The following CACNB2 variants were observed in gnomAD, a reference collection of about 807,000 sequenced individuals.
CACNB2 encodes calcium voltage-gated channel auxiliary subunit beta 2, also known as voltage-dependent L-type calcium channel subunit beta-2.
CACNB2 carries 42 observed loss-of-function variants against 73.3 expected under a neutral mutation model. The observed-to-expected ratio is 0.57, with a 90% CI of 0.45 to 0.74. The LOEUF is 0.74. Ranked by LOEUF, CACNB2 falls within the 30% of genes least tolerant of loss-of-function variation. CACNB2 has a pLI of 0.00. For missense variants in CACNB2, 940 were observed against 853.0 expected, an observed-to-expected ratio of 1.10 and a Z score of -1.27; for synonymous variants, 348 against 310.3, an observed-to-expected ratio of 1.12 and a Z score of -1.28.
intron 2 of CACNB2, among the ~76,000 whole-genome samples, chr10:18,287,196 G>A (rs2131737488): frequency 6.6e-6 from 1 of 152,118 alleles, no homozygotes; most frequent in South Asian, 2.1e-4. Flanking sequence ...AGGCATGGTG[G>A]CTTGTGGCTG....
intron 1 of CACNB2, among the ~76,000 whole-genome samples, chr10:18,146,240 T>C (rs2131005927): frequency 6.6e-6 from 1 of 151,966 alleles, no homozygotes; most frequent in East Asian, 1.9e-4. Flanking sequence ...GGTCATAAGA[T>C]GAGGAAAGTC....
chr10:18,501,688 C>T (rs2050200679), intron 5 of CACNB2, among the ~76,000 whole-genome samples: 3 of 152,210 alleles, frequency 2.0e-5, no homozygotes, highest in Admixed American at 1.3e-4. Context: ...TTCTTAAATA[C>T]GAATCGCTGG....
intron 2 of CACNB2, among the ~76,000 whole-genome samples, chr10:18,239,739 A>T (rs1332801973): frequency 1.3e-5 from 2 of 152,214 alleles, no homozygotes; most frequent in African/African-American, 4.8e-5. Flanking sequence ...CAACTTTAAA[A>T]GTAGAGAAGT....
At chr10:18,217,874 G>A (rs1341641715) in intron 2 of CACNB2, among the ~76,000 whole-genome samples, 1 of 152,058 alleles carries the variant, frequency 6.6e-6, no homozygotes, top group Admixed American at 6.6e-5. Flanking sequence ...TCCACCCCAG[G>A]AAATGCTTGC....
intron 2 of CACNB2, among the ~76,000 whole-genome samples, chr10:18,340,442 T>G (rs1247267051): frequency 6.6e-6 from 1 of 152,222 alleles, no homozygotes; most frequent in Non-Finnish European, 1.5e-5. Context: ...TTACTTTTAT[T>G]GCAGACTTTC....
At chr10:18,292,428 C>T (rs537809892) in intron 2 of CACNB2, among the ~76,000 whole-genome samples, 4 of 152,244 alleles carry the variant, frequency 2.6e-5, no homozygotes, top group South Asian at 4.1e-4. Context: ...GAGGCCGAGG[C>T]GGGCAGATCA....
Position 18,508,731 on chromosome 10 carries a change from C to T in CACNB2, c.670+2184C>T, listed in dbSNP as rs148991248. ...ATGGTAACTCAAAATGTACTTAACA[C>T]GTGGACAGACCCAGTAAAAAGTCTG... On this transcript the variant is annotated intron_variant, in intron 6 of 13. Transcript: ENST00000324631. Among the ~76,000 whole-genome samples the T allele has an allele frequency of 1.5e-3, 231 of 152,260 alleles. 1 individual carries two copies. The highest frequency in any genetic ancestry group is 6.6e-3 in the South Asian group (32 of 4,824).
intron 2 of CACNB2, among the ~76,000 whole-genome samples, chr10:18,296,780 A>G (rs2131807754): frequency 6.6e-6 from 1 of 152,336 alleles, no homozygotes; most frequent in Admixed American, 6.5e-5. Context: ...GATCCTGGAA[A>G]CAAAATTATT....
intron 2 of CACNB2, among the ~76,000 whole-genome samples, chr10:18,394,209 G>A (rs1048645720): frequency 3.3e-5 from 5 of 151,986 alleles, no homozygotes; most frequent in African/African-American, 9.7e-5. Context: ...TGCCTGCCTC[G>A]GCCTCCCAAA....
At chr10:18,292,487 C>G (rs572645171) in intron 2 of CACNB2, among the ~76,000 whole-genome samples, 1 of 152,118 alleles carries the variant, frequency 6.6e-6, no homozygotes, top group Admixed American at 6.6e-5. Context: ...AAAACCCCGT[C>G]CCTACTAAAA....
At chr10:18,448,076 C>G (rs933519939) in intron 3 of CACNB2, among the ~76,000 whole-genome samples, 4 of 152,264 alleles carry the variant, frequency 2.6e-5, no homozygotes, top group Middle Eastern at 3.4e-3. Flanking sequence ...ACTGTAGCCT[C>G]AAACTCTTGG....
intron 2 of CACNB2, among the ~76,000 whole-genome samples, chr10:18,265,039 G>T (rs10828399): frequency 6.6e-6 from 1 of 151,958 alleles, no homozygotes; most frequent in South Asian, 2.1e-4. Flanking sequence ...GCATTTTAGC[G>T]TGTCTGATGA....
intron 10 of CACNB2, among the ~76,000 whole-genome samples, chr10:18,528,350 ACT>A (rs1167280922): frequency 6.6e-6 from 1 of 152,202 alleles, no homozygotes; most frequent in Non-Finnish European, 1.5e-5. Context: ...AATTGATCAC[ACT>A]GAGACCCTTC....
chr10:18,184,799 G>C (rs896945190), intron 2 of CACNB2, among the ~76,000 whole-genome samples: 1 of 151,992 alleles, frequency 6.6e-6, no homozygotes, highest in South Asian at 2.1e-4. Flanking sequence ...CTGCCATGAT[G>C]ATTCGCTGCA....
chr10:18,381,986 T>C (rs2043038464), intron 2 of CACNB2, among the ~76,000 whole-genome samples: 1 of 152,058 alleles, frequency 6.6e-6, no homozygotes, highest in Admixed American at 6.5e-5. Context: ...CACAAAAGCA[T>C]AACTTGAGAA....
intron 2 of CACNB2, among the ~76,000 whole-genome samples, chr10:18,241,400 A>G (rs1325352216): frequency 6.6e-6 from 1 of 152,206 alleles, no homozygotes. Context: ...CAGGTGACCT[A>G]CAGGGAGGGA....
At chr10:18,438,183 A>ATTTTTTTTTTT (rs372226267) in intron 3 of CACNB2, among the ~76,000 whole-genome samples, 134 of 93,910 alleles carry the variant, frequency 1.4e-3, no homozygotes, top group Non-Finnish European at 1.9e-3. Flanking sequence ...ACACCTGGCG[A>ATTTTTTTTTTT]TTTTTTTTTT....
intron 2 of CACNB2, among the ~76,000 whole-genome samples, chr10:18,220,193 A>ATGTATGTG (rs2035697144): frequency 3.2e-5 from 1 of 31,242 alleles, no homozygotes; most frequent in African/African-American, 1.7e-4. Context: ...ATACATATAT[A>ATGTATGTG]TGTGTGTGTA....
intron 9 of CACNB2, among the ~76,000 whole-genome samples, chr10:18,523,602 G>T (rs958039772): frequency 2.0e-5 from 3 of 152,172 alleles, no homozygotes; most frequent in Non-Finnish European, 4.4e-5. Flanking sequence ...ACAGTCCTCA[G>T]AGGAAGAAAC....
Sources: allele counts gnomAD v4.1 joint callset (sites outside exome capture counted in the v4.1 genomes callset), GRCh38; gene constraint gnomAD v4.1.1; transcripts MANE v1.5; gene names NCBI Gene and HGNC (gene_info 2026-07-23, HGNC 2026-07-21).